Variants in TTC7B observed in about 807,000 individuals in gnomAD.
TTC7B encodes tetratricopeptide repeat domain 7B.
A neutral mutation model predicts 106.8 loss-of-function variants in TTC7B; 28 were observed. That is an observed-to-expected ratio of 0.26 (90% CI 0.19 to 0.36). The LOEUF is 0.36. Among genes scored for constraint, TTC7B ranks in the 10% least tolerant of loss-of-function variants. The pLI is 1.00. For missense variants in TTC7B, 862 were observed against 1,076.4 expected (o/e 0.80, Z 2.79); for synonymous variants, 405 against 430.6 (o/e 0.94, Z 0.74).
chr14:90,622,934 C>T (rs1022589952), intron 15 of TTC7B, among the ~76,000 whole-genome samples: 1 of 152,136 alleles, frequency 6.6e-6, no homozygotes, highest in East Asian at 1.9e-4. Context: ...CATTGCCCAT[C>T]ACCTACGCCC....
Position 90,525,685 on chromosome 14 carries a change from C to T in TTC7B, c.*15683G>A, listed in dbSNP as rs566615028. On this transcript the variant is annotated 3_prime_UTR_variant, in exon 20 of 20. Transcript: ENST00000328459. The stretch of plus-strand genomic sequence containing the variant: ...AGATTGTTAGACGGTGGGCTTCATC[C>T]GTCCTACCTCGCCCAACCCAGTTGA... 1.3e-5 allele frequency: 2 copies of T among 149,502 alleles called. No individual in the cohort carries two copies. The highest frequency in any genetic ancestry group is 4.3e-4 in the South Asian group (2 of 4,650). The allele number at this position is 149,502 out of a possible 1,614,324, so 9.3% of individuals were successfully genotyped here. A position where few individuals can be genotyped will look rare whatever the true frequency, so the allele number is the denominator to read the frequency against.
chr14:90,613,649 C>T (rs1225842739), intron 16 of TTC7B, among the ~76,000 whole-genome samples: 2 of 152,232 alleles, frequency 1.3e-5, no homozygotes, highest in Non-Finnish European at 2.9e-5. Flanking sequence ...CACATCTGCT[C>T]AGGCACTTCT....
chr14:90,542,614 T>C (rs922233524), intron 19 of TTC7B, among the ~76,000 whole-genome samples: 1 of 152,196 alleles, frequency 6.6e-6, no homozygotes, highest in Non-Finnish European at 1.5e-5. Context: ...CACCTCTTTG[T>C]TCTTTAGATC....
chr14:90,615,129 C>T (rs1893017573), intron 16 of TTC7B, among the ~76,000 whole-genome samples: 1 of 152,250 alleles, frequency 6.6e-6, no homozygotes, highest in African/African-American at 2.4e-5. Flanking sequence ...GCAGGTGGAA[C>T]ACTATTTGCA....
intron 1 of TTC7B, among the ~76,000 whole-genome samples, chr14:90,803,441 GAC>G (rs2030399680): frequency 6.6e-6 from 1 of 152,178 alleles, no homozygotes; most frequent in African/African-American, 2.4e-5. Flanking sequence ...GGGTGCCTGG[GAC>G]ACAGTCTGGC....
intron 15 of TTC7B, chr14:90,642,577 G>A (rs1885228563): frequency 4.6e-5 from 7 of 152,140 alleles, no homozygotes. Context: ...CAGCGTGCAG[G>A]AATGTTTACT....
chr14:90,658,470 C>T (rs2139900717), intron 9 of TTC7B, 83 bp from the exon 10 acceptor site: 2 of 1,287,732 alleles, frequency 1.6e-6, no homozygotes, highest in Non-Finnish European at 2.2e-6. Context: ...TATCTATGCA[C>T]ACTAAGGTAA....
chr14:90,644,525 T>C (rs1344456566), intron 14 of TTC7B, among the ~76,000 whole-genome samples: 1 of 152,200 alleles, frequency 6.6e-6, no homozygotes, highest in Non-Finnish European at 1.5e-5. Context: ...AAACACTTTC[T>C]CATTCTTTCC....
rs1479615138 is a variant in TTC7B, at chr14:90,657,523, C to T, written c.1237-245G>A. On this transcript the variant is annotated intron_variant, in intron 10 of 19. Transcript: ENST00000328459. This position sits in a 1 kb window ranked among gnomAD's most constrained non-coding sequence, Gnocchi z 4.2. Reference sequence around the variant, plus strand: ...GGCGCCACCTGAATTTCATTCCATACTTGTGTAGCTATTGGAAAATTAAGA... The same window carrying T: ...GGCGCCACCTGAATTTCATTCCATATTTGTGTAGCTATTGGAAAATTAAGA... 8 of 365,652 alleles carry T rather than the reference C, an allele frequency of 2.2e-5. No homozygotes were observed. 22.7% of individuals were successfully genotyped at this position (365,652 alleles called of 1,614,324 possible). A position where few individuals can be genotyped will look rare whatever the true frequency, so the allele number is the denominator to read the frequency against.
At chr14:90,809,296 T>C (rs981804862) in intron 1 of TTC7B, among the ~76,000 whole-genome samples, 2 of 152,284 alleles carry the variant, frequency 1.3e-5, no homozygotes, top group Non-Finnish European at 2.9e-5. Context: ...GCCCCTCCAC[T>C]GAGCAAATGT....
chr14:90,612,372 T>C (rs183271849), intron 16 of TTC7B, among the ~76,000 whole-genome samples: 4 of 152,316 alleles, frequency 2.6e-5, no homozygotes, highest in Non-Finnish European at 4.4e-5. Flanking sequence ...AAGTACAAAT[T>C]ATCTGAATAT....
rs1889309162 is a variant in TTC7B, at chr14:90,532,425, C to T, written c.*8943G>A. ...GAGGATGGGCCAGCCCTTTTGCAAA[C>T]TGGCTGGGCCTAGTCATCTGGTACA... is the stretch of plus-strand genomic sequence containing the variant. On this transcript the variant is annotated 3_prime_UTR_variant, in exon 20 of 20. Transcript: ENST00000328459. 6.6e-6 allele frequency: 1 copy of T among 152,194 alleles called. No homozygotes were observed. The highest frequency in any genetic ancestry group is 2.1e-4 in the South Asian group (1 of 4,832). 9.4% of individuals were successfully genotyped at this position (152,194 alleles called of 1,614,324 possible). A position where few individuals can be genotyped will look rare whatever the true frequency, so the allele number is the denominator to read the frequency against.
intron 19 of TTC7B, among the ~76,000 whole-genome samples, chr14:90,563,400 C>T (rs1890666439): frequency 6.6e-6 from 1 of 152,126 alleles, no homozygotes; most frequent in African/African-American, 2.4e-5. Flanking sequence ...TGTGTAATAC[C>T]ATTATACCTA....
At chr14:90,791,153 A>G (rs1472898491) in intron 1 of TTC7B, among the ~76,000 whole-genome samples, 1 of 152,096 alleles carries the variant, frequency 6.6e-6, no homozygotes, top group Admixed American at 6.6e-5. Flanking sequence ...TGGCATCCTG[A>G]GGACACCATT....
intron 19 of TTC7B, 122 bp from the exon 20 acceptor site, chr14:90,541,711 G>A (rs988072345): frequency 4.0e-5 from 29 of 719,956 alleles, no homozygotes; most frequent in Non-Finnish European, 5.5e-5. Context: ...CATTGGGCTG[G>A]GCCCATAGTA....
In TTC7B at chr14:90,525,084, C is replaced by G. The variant is rs1889115665; in HGVS notation, c.*16284G>C. 6.6e-6 allele frequency: 1 copy of G among 152,036 alleles called. No individual in the cohort carries two copies. Among genetic ancestry groups the G allele is most frequent in the Admixed American group, 6.6e-5 (1 of 15,260 alleles). 9.4% of individuals were successfully genotyped at this position (152,036 alleles called of 1,614,324 possible). On this transcript the variant is annotated 3_prime_UTR_variant, in exon 20 of 20. Coordinates refer to ENST00000328459, the MANE Select transcript of TTC7B (RefSeq NM_001010854.2). Reference sequence around the variant, plus strand: ...TGTCTTTATCATCTTTGAAACCCCTCCCTCTGGCCCCCCCTCCACCCCCAA... The same window carrying G: ...TGTCTTTATCATCTTTGAAACCCCTGCCTCTGGCCCCCCCTCCACCCCCAA...
chr14:90,554,583 C>G (rs977429971), intron 19 of TTC7B, among the ~76,000 whole-genome samples: 1 of 152,310 alleles, frequency 6.6e-6, no homozygotes, highest in East Asian at 1.9e-4. Flanking sequence ...GGCTGTCACT[C>G]GAGCCACGCT....
intron 5 of TTC7B, among the ~76,000 whole-genome samples, chr14:90,727,861 A>T (rs1423271437): frequency 6.6e-6 from 1 of 152,232 alleles, no homozygotes; most frequent in African/African-American, 2.4e-5. Context: ...GGAGTGAGAC[A>T]ACTGGGAGCA....
intron 15 of TTC7B, among the ~76,000 whole-genome samples, chr14:90,627,909 G>C (rs1044439415): frequency 6.6e-6 from 1 of 152,196 alleles, no homozygotes; most frequent in African/African-American, 2.4e-5. Context: ...GACCTGGTCA[G>C]GTGCAACTGA....
Sources: allele counts gnomAD v4.1 joint callset (sites outside exome capture counted in the v4.1 genomes callset), GRCh38; gene constraint gnomAD v4.1.1; non-coding constraint Gnocchi (gnomAD v3.1); transcripts MANE v1.5; gene names NCBI Gene and HGNC (gene_info 2026-07-23, HGNC 2026-07-21).